MYO1H: variants seen among roughly 807,000 people sequenced by gnomAD.
MYO1H encodes myosin IH, also known as unconventional myosin-Ih.
MYO1H carries 118 observed loss-of-function variants against 149.3 expected under a neutral mutation model. That is an observed-to-expected ratio of 0.79 (90% CI 0.68 to 0.92). The LOEUF (loss-of-function observed/expected upper bound fraction) is 0.92. MYO1H is among the 40% of genes least tolerant of loss of function. The pLI, the probability that MYO1H is intolerant of heterozygous loss-of-function variation, is 0.00. For synonymous variants in MYO1H, 447 were observed against 465.2 expected (o/e 0.96, Z 0.50); for missense variants, 1,212 against 1,280.7 (o/e 0.95, Z 0.82).
chr12:109,399,526 A>G (rs1407542190), intron 5 of MYO1H, among the ~76,000 whole-genome samples: 3 of 142,210 alleles, frequency 2.1e-5, no homozygotes, highest in Admixed American at 1.5e-4. Context: ...TGGGAGGCAG[A>G]GGTTGCAGTG....
chr12:109,437,780 G>A (rs1162626041), intron 22 of MYO1H, among the ~76,000 whole-genome samples: 1 of 152,064 alleles, frequency 6.6e-6, no homozygotes, highest in African/African-American at 2.4e-5. Context: ...TAAAAAATCT[G>A]AAGAGCATTT....
At chr12:109,340,705 T>C in the MYO1H span, among the ~76,000 whole-genome samples, 3 of 135,426 alleles carry the variant, frequency 2.2e-5, no homozygotes, top group Non-Finnish European at 4.7e-5. Flanking sequence ...CATGTATTTT[T>C]TGACAAAAGA....
chr12:109,340,988 A>C, the MYO1H span, among the ~76,000 whole-genome samples: 3 of 152,214 alleles, frequency 2.0e-5, no homozygotes, highest in African/African-American at 7.2e-5. Context: ...GGAGTTCGAG[A>C]CCAGCCTGGA....
At chr12:109,311,233 A>G in the MYO1H span, among the ~76,000 whole-genome samples, 2 of 152,224 alleles carry the variant, frequency 1.3e-5, no homozygotes, top group African/African-American at 4.8e-5. Flanking sequence ...CTCATGAAAT[A>G]TGGAAAAGAA....
intron 1 of MYO1H, among the ~76,000 whole-genome samples, chr12:109,376,938 C>T (rs558801876): frequency 6.6e-6 from 1 of 152,256 alleles, no homozygotes; most frequent in South Asian, 2.1e-4. Flanking sequence ...ATATGGTATA[C>T]CCTTTTATTG....
At chr12:109,381,278 C>T (rs901232356) in intron 1 of MYO1H, among the ~76,000 whole-genome samples, 1 of 152,144 alleles carries the variant, frequency 6.6e-6, no homozygotes, top group Non-Finnish European at 1.5e-5. Flanking sequence ...TCAGGTATGA[C>T]AGCATGCACC....
At chr12:109,313,323 C>G in the MYO1H span, among the ~76,000 whole-genome samples, 2 of 152,140 alleles carry the variant, frequency 1.3e-5, no homozygotes, top group South Asian at 2.1e-4. Context: ...AGGTGCATGC[C>G]AGTAATTTCG....
the MYO1H span, among the ~76,000 whole-genome samples, chr12:109,319,988 C>A: frequency 6.6e-6 from 1 of 152,142 alleles, no homozygotes; most frequent in Middle Eastern, 3.4e-3. Flanking sequence ...AATATGGTAG[C>A]CATGAACCAT....
intron 14 of MYO1H, among the ~76,000 whole-genome samples, chr12:109,413,392 T>C (rs1468808987): frequency 6.6e-6 from 1 of 152,228 alleles, no homozygotes; most frequent in Non-Finnish European, 1.5e-5. Context: ...GTGCAATCTC[T>C]GGCCATGGTA....
the MYO1H span, among the ~76,000 whole-genome samples, chr12:109,335,121 C>A: frequency 5.3e-5 from 8 of 152,084 alleles, no homozygotes; most frequent in Non-Finnish European, 1.2e-4. Flanking sequence ...GTATAATAGT[C>A]TATTATAATA....
the MYO1H span, among the ~76,000 whole-genome samples, chr12:109,315,217 A>G: frequency 1.3e-5 from 2 of 152,188 alleles, no homozygotes; most frequent in African/African-American, 4.8e-5. Context: ...CCAATCACCA[A>G]TCAAGGAAAA....
intron 2 of MYO1H, 85 bp downstream of exon 2, chr12:109,388,929 A>T: frequency 6.8e-7 from 1 of 1,460,456 alleles, no homozygotes; most frequent in Non-Finnish European, 9.3e-7. Context: ...GAATAATAGC[A>T]CTCTATTAGG....
chr12:109,409,118 C>T (rs561283992), intron 10 of MYO1H, among the ~76,000 whole-genome samples: 209 of 152,204 alleles, frequency 1.4e-3, no homozygotes, highest in Non-Finnish European at 2.5e-3. Flanking sequence ...CTTTAAATAC[C>T]CACCCTGGCC....
At chr12:109,408,085 C>G in intron 10 of MYO1H, 172 bp downstream of exon 10, 1 of 771,904 alleles carries the variant, frequency 1.3e-6, no homozygotes, top group Non-Finnish European at 2.1e-6. Context: ...GGGTGCATGC[C>G]GAATGACTTA....
intron 1 of MYO1H, among the ~76,000 whole-genome samples, chr12:109,350,681 C>G (rs1868444950): frequency 6.6e-6 from 1 of 152,178 alleles, no homozygotes; most frequent in South Asian, 2.1e-4. Flanking sequence ...CATGTTCATT[C>G]AATATTTATA....
At chr12:109,324,643 C>T in the MYO1H span, among the ~76,000 whole-genome samples, 1 of 151,844 alleles carries the variant, frequency 6.6e-6, no homozygotes, top group Non-Finnish European at 1.5e-5. Context: ...TTTCTTTCTA[C>T]ATTTGTTACC....
exon 18 of MYO1H, chr12:109,425,993 C>A (rs377476495): frequency 6.2e-7 from 1 of 1,613,926 alleles, no homozygotes; most frequent in African/African-American, 1.3e-5. Context: ...TAGAAACCCT[C>A]ATCTCTAAGG....
At chr12:109,333,592 G>A in the MYO1H span, among the ~76,000 whole-genome samples, 1 of 152,112 alleles carries the variant, frequency 6.6e-6, no homozygotes, top group Non-Finnish European at 1.5e-5. Context: ...ACGTGACTGT[G>A]GCCAGCATGA....
intron 1 of MYO1H, among the ~76,000 whole-genome samples, chr12:109,351,043 T>A (rs918481469): frequency 6.6e-6 from 1 of 152,226 alleles, no homozygotes; most frequent in Admixed American, 6.5e-5. Flanking sequence ...TTAATTAAGC[T>A]CATTAAGCCT....
Sources: gnomAD v4.1 joint callset for allele counts (sites outside exome capture counted in the v4.1 genomes callset) on GRCh38, gnomAD v4.1.1 for gene constraint, MANE v1.5 for transcripts, NCBI Gene and HGNC (gene_info 2026-07-23, HGNC 2026-07-21) for gene names.